The following LRTM3 variants were observed in gnomAD, a reference collection of about 807,000 sequenced individuals.
LRTM3 encodes the protein leucine rich repeat transmembrane protein 3.
chr13:102,739,568 A>G, the LRTM3 span: 1 of 1,550,264 alleles, frequency 6.5e-7, no homozygotes, highest in South Asian at 1.2e-5. Flanking sequence ...ACCTTCTTGC[A>G]TCTTGCCCTC....
At chr13:102,744,585 C>G in the LRTM3 span, 1 of 1,550,338 alleles carries the variant, frequency 6.5e-7, no homozygotes, top group Non-Finnish European at 8.7e-7. Context: ...GTTTTTTGCA[C>G]TATGTGAGAC....
the LRTM3 span, among the ~76,000 whole-genome samples, chr13:102,753,494 T>TAAAAAAAAAAAAAAGAAAAAA: frequency 8.0e-6 from 1 of 124,442 alleles, no homozygotes; most frequent in Non-Finnish European, 1.6e-5. Context: ...AAAGTAAAAT[T>TAAAAAAAAAAAAAAGAAAAAA]AAAAAAAAAA....
the LRTM3 span, chr13:102,730,316 T>C: frequency 6.4e-7 from 1 of 1,551,330 alleles, no homozygotes; most frequent in South Asian, 1.2e-5. Flanking sequence ...AAACACACAT[T>C]CCTCACTCTC....
chr13:102,757,264 C>T, the LRTM3 span, among the ~76,000 whole-genome samples: 1 of 152,182 alleles, frequency 6.6e-6, no homozygotes, highest in Non-Finnish European at 1.5e-5. Flanking sequence ...GTTGCTAGTA[C>T]CCAATACAAC....
chr13:102,744,059 T>G, the LRTM3 span: 1 of 1,550,478 alleles, frequency 6.4e-7, no homozygotes, highest in Admixed American at 2.0e-5. Context: ...TGTTGTACTC[T>G]TAGCATATTC....
the LRTM3 span, chr13:102,744,141 G>A: frequency 4.8e-5 from 74 of 1,550,634 alleles, no homozygotes; most frequent in African/African-American, 9.7e-4. Flanking sequence ...TTAAAACGGT[G>A]TTGCTTTTTC....
At chr13:102,741,444 G>A in the LRTM3 span, 1 of 1,550,068 alleles carries the variant, frequency 6.5e-7, no homozygotes, top group South Asian at 1.2e-5. Context: ...AGAAATTTCT[G>A]TCCTTTAGAA....
chr13:102,734,047 T>G, the LRTM3 span: 1 of 1,551,400 alleles, frequency 6.4e-7, no homozygotes, highest in African/African-American at 1.4e-5. Flanking sequence ...GAAAAGTCCT[T>G]GACAGAACCA....
the LRTM3 span, chr13:102,735,314 C>T: frequency 1.3e-6 from 2 of 1,551,250 alleles, no homozygotes; most frequent in Non-Finnish European, 1.7e-6. Flanking sequence ...CTTTACATCA[C>T]TTGAAAGTTC....
At chr13:102,742,574 T>C in the LRTM3 span, 3 of 1,550,614 alleles carry the variant, frequency 1.9e-6, no homozygotes, top group Admixed American at 3.9e-5. Flanking sequence ...TGCTTCTTGA[T>C]CTATTAAATC....
At chr13:102,744,694 A>G in the LRTM3 span, 1 of 1,550,816 alleles carries the variant, frequency 6.4e-7, no homozygotes, top group South Asian at 1.2e-5. Flanking sequence ...GGTGTTGACT[A>G]TAGCATGGAA....
At chr13:102,751,144 A>T in the LRTM3 span, among the ~76,000 whole-genome samples, 2 of 152,086 alleles carry the variant, frequency 1.3e-5, no homozygotes, top group Non-Finnish European at 2.9e-5. Context: ...GTTCTTCCTA[A>T]TGTGGGTGGG....
At chr13:102,737,957 T>C in the LRTM3 span, 26 of 1,551,166 alleles carry the variant, frequency 1.7e-5, no homozygotes, top group Middle Eastern at 1.7e-4. Context: ...GCCTACTCCA[T>C]CTGCTTTCTG....
the LRTM3 span, chr13:102,746,114 C>A: frequency 6.4e-7 from 1 of 1,551,118 alleles, no homozygotes; most frequent in East Asian, 2.4e-5. Context: ...CATTTGGAGA[C>A]TAGTCTCTAA....
the LRTM3 span, chr13:102,734,893 C>G: frequency 4.3e-5 from 66 of 1,551,168 alleles, no homozygotes; most frequent in African/African-American, 8.5e-4. Flanking sequence ...CTTCCTTGTT[C>G]TGTGACACAT....
chr13:102,738,627 T>C, the LRTM3 span: 3 of 1,550,330 alleles, frequency 1.9e-6, no homozygotes, highest in South Asian at 1.2e-5. Flanking sequence ...TTTGAGATAT[T>C]ATCAGAAATA....
At chr13:102,747,073 A>T in the LRTM3 span, 1 of 1,550,574 alleles carries the variant, frequency 6.4e-7, no homozygotes, top group Non-Finnish European at 8.7e-7. Flanking sequence ...CTTTTGGTAG[A>T]GTTTCTTTGA....
the LRTM3 span, chr13:102,750,095 A>G: frequency 1.3e-6 from 2 of 1,550,988 alleles, no homozygotes; most frequent in Non-Finnish European, 1.7e-6. Context: ...GTTGGTTTTC[A>G]TCATTGAAAA....
the LRTM3 span, among the ~76,000 whole-genome samples, chr13:102,753,514 GAAAAA>G: frequency 2.9e-5 from 4 of 138,672 alleles, no homozygotes; most frequent in African/African-American, 1.1e-4. Context: ...AAAAAGAAAA[GAAAAA>G]AAAAAGAAAA....
Sources: gnomAD v4.1 joint callset for allele counts (sites outside exome capture counted in the v4.1 genomes callset) on GRCh38, gnomAD v4.1.1 for gene constraint, MANE v1.5 for transcripts, NCBI Gene and HGNC (gene_info 2026-07-23, HGNC 2026-07-21) for gene names.